TAFA5: variants seen among roughly 807,000 people sequenced by gnomAD.
TAFA5 encodes TAFA chemokine like family member 5.
In TAFA5, 6 loss-of-function variants were observed where a neutral mutation model predicts 15.3. That is an observed-to-expected ratio of 0.39 (90% CI 0.21 to 0.77). TAFA5 has a LOEUF of 0.77. TAFA5 is among the 30% of genes least tolerant of loss of function. The probability of loss-of-function intolerance (pLI) is 0.41; values close to 1 mark genes in which losing one functional copy is unlikely to be tolerated. For synonymous variants in TAFA5, 103 were observed against 80.7 expected, an observed-to-expected ratio of 1.28 and a Z score of -1.48; for missense variants, 161 against 193.1, an observed-to-expected ratio of 0.83 and a Z score of 0.98.
At chr22:48,643,216 G>A (rs562888105) in intron 1 of TAFA5, among the ~76,000 whole-genome samples, 21 of 152,370 alleles carry the variant, frequency 1.4e-4, no homozygotes, top group Admixed American at 4.6e-4. Flanking sequence ...GGATAAGAAC[G>A]TGTACCGTTC....
At chr22:48,556,414 A>G (rs1320483152) in intron 1 of TAFA5, among the ~76,000 whole-genome samples, 4 of 152,234 alleles carry the variant, frequency 2.6e-5, no homozygotes, top group Non-Finnish European at 5.9e-5. Context: ...GAATTACATT[A>G]TTTAGGAGCT....
chr22:48,596,295 C>G (rs1924761479), intron 1 of TAFA5, among the ~76,000 whole-genome samples: 1 of 152,324 alleles, frequency 6.6e-6, no homozygotes, highest in Admixed American at 6.5e-5. Context: ...CACGCTGTGC[C>G]TCCACGGCCC....
intron 1 of TAFA5, among the ~76,000 whole-genome samples, chr22:48,495,624 C>T (rs1182082182): frequency 1.3e-5 from 2 of 152,180 alleles, no homozygotes; most frequent in African/African-American, 2.4e-5. Context: ...CATGTCCATT[C>T]GTTGTCCCAA....
chr22:48,514,910 G>A (rs1012489949), intron 1 of TAFA5, among the ~76,000 whole-genome samples: 7 of 152,234 alleles, frequency 4.6e-5, no homozygotes, highest in Admixed American at 1.3e-4. Flanking sequence ...ACCATACAGG[G>A]TAAGCACTGC....
intron 1 of TAFA5, among the ~76,000 whole-genome samples, chr22:48,640,050 C>T (rs1926616861): frequency 2.0e-5 from 3 of 152,302 alleles, no homozygotes; most frequent in Middle Eastern, 6.8e-3. Flanking sequence ...TTGTGGAGGG[C>T]GTGCTGCAGC....
chr22:48,583,211 C>T (rs1217584399), intron 1 of TAFA5, among the ~76,000 whole-genome samples: 1 of 147,264 alleles, frequency 6.8e-6, no homozygotes, highest in African/African-American at 2.5e-5. Context: ...ATACACATAC[C>T]ACACACCACA....
chr22:48,648,223 CA>C (rs146735160), intron 2 of TAFA5, among the ~76,000 whole-genome samples: 10,890 of 152,178 alleles, frequency 0.072, 441 homozygotes, highest in East Asian at 0.13. Context: ...TCAGCTGGCC[CA>C]CCCCATGGAT....
At chr22:48,660,951 G>GGCC (rs1569068650) in intron 2 of TAFA5, among the ~76,000 whole-genome samples, 17 of 135,414 alleles carry the variant, frequency 1.3e-4, no homozygotes, top group Admixed American at 1.2e-3. Context: ...AGTTAGGGTC[G>GGCC]TGTCTCTTCG....
chr22:48,748,511 G>A (rs1930391773), intron 3 of TAFA5, among the ~76,000 whole-genome samples: 1 of 152,204 alleles, frequency 6.6e-6, no homozygotes, highest in South Asian at 2.1e-4. Flanking sequence ...GCCAGGTTGG[G>A]AAGGCGTCTG....
chr22:48,587,461 G>A (rs891284897), intron 1 of TAFA5, among the ~76,000 whole-genome samples: 8 of 152,162 alleles, frequency 5.3e-5, no homozygotes, highest in South Asian at 2.1e-4. Context: ...CAGGCGGGTC[G>A]GGGTGGGCTG....
intron 1 of TAFA5, among the ~76,000 whole-genome samples, chr22:48,570,079 C>G (rs933043773): frequency 2.0e-5 from 3 of 152,226 alleles, no homozygotes; most frequent in Non-Finnish European, 2.9e-5. Flanking sequence ...CCACACTCCC[C>G]TGGCAGGGCC....
chr22:48,518,018 C>T (rs1033947082), intron 1 of TAFA5, among the ~76,000 whole-genome samples: 1 of 152,212 alleles, frequency 6.6e-6, no homozygotes, highest in African/African-American at 2.4e-5. Context: ...CCTCTCTGAA[C>T]GCTGGCCGTG....
At position 48,582,580 on chromosome 22, in the gene TAFA5, A is replaced by G. The variant is rs553571830; in HGVS notation, c.113-64017A>G. Among the ~76,000 whole-genome samples the G allele has an allele frequency of 1.1e-4, 17 of 150,902 alleles. No homozygotes were observed. The East Asian group carries it at 3.3e-3, about 30-fold the overall frequency. On this transcript the variant is annotated intron_variant, in intron 1 of 3. Transcript: ENST00000402357. ...AAATACACCACACACAAAATACGCC[A>G]CATACCACACACAAAATACACCACA...
intron 3 of TAFA5, among the ~76,000 whole-genome samples, chr22:48,716,629 T>C (rs1311954865): frequency 1.3e-5 from 2 of 152,214 alleles, no homozygotes; most frequent in Non-Finnish European, 2.9e-5. Context: ...GGCACATGTG[T>C]ACCTATGTAA....
chr22:48,701,758 C>T (rs951627513), intron 2 of TAFA5, among the ~76,000 whole-genome samples: 3 of 152,344 alleles, frequency 2.0e-5, no homozygotes, highest in South Asian at 4.1e-4. Context: ...CTGCTCCTCT[C>T]GGAGACTTCA....
intron 1 of TAFA5, among the ~76,000 whole-genome samples, chr22:48,558,157 A>AT (rs1235867258): frequency 6.6e-6 from 1 of 152,076 alleles, no homozygotes. Flanking sequence ...GTTCATTCTT[A>AT]TTCAGTGCCA....
chr22:48,554,201 T>C (rs1378626278), intron 1 of TAFA5, among the ~76,000 whole-genome samples: 1 of 152,082 alleles, frequency 6.6e-6, no homozygotes, highest in African/African-American at 2.4e-5. Context: ...CCCAGGGAAA[T>C]GCTCCCGGGT....
At chr22:48,688,581 G>A (rs537579466) in intron 2 of TAFA5, among the ~76,000 whole-genome samples, 1 of 152,150 alleles carries the variant, frequency 6.6e-6, no homozygotes, top group African/African-American at 2.4e-5. Flanking sequence ...CTGCTCGGGG[G>A]ACGGTGGCTT....
rs1055472683 is a variant in TAFA5, at chr22:48,650,895, G to C, written c.262+4149G>C. Reference sequence around the variant, plus strand: ...GCCCTGCTTCTGCTCCTTTCTAGCTGTTTATGCAGACGCGCCAGGTTCCCT... The same window carrying C: ...GCCCTGCTTCTGCTCCTTTCTAGCTCTTTATGCAGACGCGCCAGGTTCCCT... On this transcript the variant is annotated intron_variant, in intron 2 of 3. Coordinates refer to ENST00000402357, the MANE Select transcript of TAFA5 (RefSeq NM_001082967.3). Among the ~76,000 whole-genome samples the C allele has an allele frequency of 2.0e-5, 3 of 152,166 alleles. No individual in the cohort carries two copies. In the South Asian group the frequency reaches 6.2e-4, roughly 32 times the overall value.
Sources: gnomAD v4.1 joint callset for allele counts (sites outside exome capture counted in the v4.1 genomes callset) on GRCh38, gnomAD v4.1.1 for gene constraint, MANE v1.5 for transcripts, NCBI Gene and HGNC (gene_info 2026-07-23, HGNC 2026-07-21) for gene names.